Variants in RTCA observed in about 807,000 individuals in gnomAD.
The protein encoded by RTCA is RNA terminal phosphate cyclase domain 1.
A neutral mutation model predicts 46.1 loss-of-function variants in RTCA; 37 were observed. The ratio of observed to expected loss-of-function variants is 0.80; its 90% CI spans 0.62 to 1.06. The LOEUF is 1.06. Ranked by LOEUF, RTCA falls within the 50% of genes least tolerant of loss-of-function variation. The pLI is 0.00. For missense variants in RTCA, 435 were observed against 455.5 expected (o/e 0.95, Z 0.41); for synonymous variants, 164 against 158.3 (o/e 1.04, Z -0.27).
Position 100,277,259 on chromosome 1 carries a change from A to G in RTCA, c.742A>G (p.Ile248Val), listed in dbSNP as rs1666443175. 2 of 1,612,934 alleles carry G rather than the reference A, an allele frequency of 1.2e-6. No individual in the cohort carries two copies. The highest frequency in any genetic ancestry group is 1.3e-5 in the African/African-American group (1 of 74,854). ...QAFGNGNGII[I>V]IAETSTGCLF... ...GTAATAACTTTTTTTCTTGCATAGAATTATTGCTGAGACCTCCACTGGCTG... is the reference window on the plus strand; with the variant it reads ...GTAATAACTTTTTTTCTTGCATAGAGTTATTGCTGAGACCTCCACTGGCTG... Residue 248 changes from isoleucine (I) to valine (V), a missense_variant and splice_region_variant, in exon 8 of 11, where the codon ATT becomes GTT. Transcript: ENST00000370128.
rs746302352 is a variant in RTCA, at chr1:100,270,625, A to G, written c.359A>G (p.His120Arg). ...TTTGCTGCTTCTCCATCAGAACTTCATTTGAAAGGTGGAACTAATGCTGAA... is the reference window on the plus strand; with the variant it reads ...TTTGCTGCTTCTCCATCAGAACTTCGTTTGAAAGGTGGAACTAATGCTGAA... The part of the protein sequence containing the change: ...VLFAASPSEL[H>R]LKGGTNAEMA... The change falls in exon 4 of 11, where the codon CAT (histidine) becomes CGT (arginine). Residue 120 changes from histidine to arginine, a missense_variant. By Grantham distance (29) the His-to-Arg change is conservative. Coordinates refer to ENST00000370128, the MANE Select transcript of RTCA (RefSeq NM_003729.4). The G allele has an allele frequency of 1.9e-6, 3 of 1,614,124 alleles. No homozygotes were observed. The highest frequency in any genetic ancestry group is 2.2e-5 in the South Asian group (2 of 91,080).
chr1:100,286,612 A>G (rs1667047561), intron 9 of RTCA, among the ~76,000 whole-genome samples: 1 of 152,102 alleles, frequency 6.6e-6, no homozygotes, highest in Non-Finnish European at 1.5e-5. Flanking sequence ...GTCCCAAATC[A>G]GTAGTGTCCA....
intron 4 of RTCA, among the ~76,000 whole-genome samples, chr1:100,272,642 T>TAAAAAATA (rs1666158173): frequency 6.6e-6 from 1 of 151,912 alleles, no homozygotes; most frequent in Admixed American, 6.5e-5. Context: ...ACATCAGGCT[T>TAAAAAATA]AAACACCATC....
At chr1:100,280,476 TAGGAGAGAATAG>T (rs962307000) in intron 8 of RTCA, among the ~76,000 whole-genome samples, 1 of 152,182 alleles carries the variant, frequency 6.6e-6, no homozygotes, top group Non-Finnish European at 1.5e-5. Context: ...CTTAGGGTGT[TAGGAGAGAATAG>T]AGGAGAGAGC....
At chr1:100,267,550 C>T (rs920521381) in intron 2 of RTCA, 3 of 1,543,978 alleles carry the variant, frequency 1.9e-6, no homozygotes, top group Admixed American at 2.0e-5. Context: ...TTGGTTTCCT[C>T]TGAGAGCCAT....
At chr1:100,268,647 G>A (rs1665917889) in intron 3 of RTCA, among the ~76,000 whole-genome samples, 1 of 151,994 alleles carries the variant, frequency 6.6e-6, no homozygotes, top group Non-Finnish European at 1.5e-5. Context: ...CACCCACGTT[G>A]GCCTCCCAAA....
At chr1:100,289,783 G>A (rs1005508939) in intron 10 of RTCA, among the ~76,000 whole-genome samples, 1 of 152,080 alleles carries the variant, frequency 6.6e-6, no homozygotes, top group Non-Finnish European at 1.5e-5. Context: ...GGTCAGCTTT[G>A]TTGTGTATAA....
Position 100,292,207 on chromosome 1 carries a change from T to C in RTCA, c.*703T>C, listed in dbSNP as rs6704125. The C allele has an allele frequency of 0.77, 117,672 of 151,852 alleles. 47,401 individuals are homozygous for C. The highest frequency in any genetic ancestry group is 0.95 in the East Asian group (4,918 of 5,172). The allele number at this position is 151,852 out of a possible 1,614,324, so 9.4% of individuals were successfully genotyped here. On this transcript the variant is annotated 3_prime_UTR_variant, in exon 11 of 11. Transcript: ENST00000370128. ...TGGTGGGATTACAGGCGTGAGCCAG[T>C]GCACCCGGCAACAATAACATTTAAT...
chr1:100,276,336 G>A (rs901131200), intron 7 of RTCA, among the ~76,000 whole-genome samples: 10 of 152,084 alleles, frequency 6.6e-5, no homozygotes, highest in Non-Finnish European at 1.3e-4. Flanking sequence ...CATAAAATAC[G>A]TCAAATGTGA....
intron 2 of RTCA, 76 bp from the exon 3 acceptor site, chr1:100,268,076 T>A: frequency 6.4e-7 from 1 of 1,562,796 alleles, no homozygotes; most frequent in Non-Finnish European, 8.7e-7. Context: ...CATTGCAGTT[T>A]TATAAATTTG....
At chr1:100,288,159 G>A (rs1188600860) in intron 10 of RTCA, among the ~76,000 whole-genome samples, 1 of 152,070 alleles carries the variant, frequency 6.6e-6, no homozygotes, top group African/African-American at 2.4e-5. Flanking sequence ...TTCTTTATAG[G>A]AAATAGAGGG....
chr1:100,272,634 A>T (rs1464822537), intron 4 of RTCA, among the ~76,000 whole-genome samples: 2 of 151,248 alleles, frequency 1.3e-5, no homozygotes, highest in African/African-American at 2.4e-5. Context: ...TGCCTTAGAC[A>T]TCAGGCTTAA....
intron 6 of RTCA, among the ~76,000 whole-genome samples, chr1:100,275,221 G>A (rs1312145361): frequency 1.3e-5 from 2 of 152,084 alleles, no homozygotes; most frequent in African/African-American, 4.8e-5. Context: ...GGGAACACTG[G>A]GGACTGCTAA....
At chr1:100,269,431 T>G (rs1471019685) in intron 3 of RTCA, among the ~76,000 whole-genome samples, 1 of 150,874 alleles carries the variant, frequency 6.6e-6, no homozygotes, top group Non-Finnish European at 1.5e-5. Flanking sequence ...ACTGTAGCCT[T>G]GACCTCTTGG....
intron 7 of RTCA, 37 bp from the exon 8 acceptor site, chr1:100,277,221 T>C (rs1666440117): frequency 6.3e-7 from 1 of 1,584,780 alleles, no homozygotes; most frequent in Non-Finnish European, 8.7e-7. Context: ...TTGGAACATT[T>C]ATAGCAAAGG....
chr1:100,271,078 G>A (rs1199705376), intron 4 of RTCA, among the ~76,000 whole-genome samples: 1 of 151,698 alleles, frequency 6.6e-6, no homozygotes. Flanking sequence ...GCAGTAGGGG[G>A]TGGGGAATTA....
chr1:100,287,969 A>AT (rs1557981923), intron 10 of RTCA, among the ~76,000 whole-genome samples: 1 of 151,266 alleles, frequency 6.6e-6, no homozygotes, highest in Non-Finnish European at 1.5e-5. Flanking sequence ...AATTTTTCTA[A>AT]TTTTTGTAGA....
chr1:100,291,069 A>G (rs935342165), intron 10 of RTCA, among the ~76,000 whole-genome samples: 2 of 152,236 alleles, frequency 1.3e-5, no homozygotes, highest in African/African-American at 4.8e-5. Context: ...ATACAGTTGC[A>G]TTAAAATTAC....
At chr1:100,274,486 T>C (rs1392233187) in intron 5 of RTCA, among the ~76,000 whole-genome samples, 4 of 152,226 alleles carry the variant, frequency 2.6e-5, no homozygotes, top group Non-Finnish European at 2.9e-5. Context: ...ACTTTCTGCA[T>C]TGGGGTATAT....
Sources: allele counts gnomAD v4.1 joint callset (sites outside exome capture counted in the v4.1 genomes callset), GRCh38; gene constraint gnomAD v4.1.1; transcripts MANE v1.5; gene names NCBI Gene and HGNC (gene_info 2026-07-23, HGNC 2026-07-21).